Variants in MPPED2 observed in about 807,000 individuals in gnomAD.
MPPED2 encodes the protein metallophosphoesterase MPPED2.
MPPED2 carries 5 observed loss-of-function variants against 33.0 expected under a neutral mutation model. The ratio of observed to expected loss-of-function variants is 0.15; its 90% confidence interval spans 0.08 to 0.32. The LOEUF (loss-of-function observed/expected upper bound fraction) is 0.32, where lower values mean the gene tolerates loss of function less well. Among genes scored for constraint, MPPED2 ranks in the 10% least tolerant of loss-of-function variants. The pLI, the probability that MPPED2 is intolerant of heterozygous loss-of-function variation, is 1.00. For missense variants in MPPED2, 275 were observed against 372.1 expected, an observed-to-expected ratio of 0.74 and a Z score of 2.15; for synonymous variants, 136 against 141.9, an observed-to-expected ratio of 0.96 and a Z score of 0.29.
intron 6 of MPPED2, among the ~76,000 whole-genome samples, chr11:30,402,897 C>T (rs1947928697): frequency 6.6e-6 from 1 of 152,202 alleles, no homozygotes; most frequent in Non-Finnish European, 1.5e-5. Context: ...CATATTGCTT[C>T]CACTGCAGCT....
At chr11:30,544,682 A>T (rs1955314067) in intron 2 of MPPED2, among the ~76,000 whole-genome samples, 1 of 152,214 alleles carries the variant, frequency 6.6e-6, no homozygotes, top group South Asian at 2.1e-4. Flanking sequence ...TAAATAGGTG[A>T]TTTATGAAAT....
rs116471809 is a variant in MPPED2, at chr11:30,504,361, G to C, written c.311-8840C>G. Among the ~76,000 whole-genome samples the C allele has an allele frequency of 3.7e-3, 566 of 152,272 alleles. 2 individuals are homozygous for C. Among genetic ancestry groups the C allele is most frequent in the African/African-American group, 0.013 (554 of 41,540 alleles). On this transcript the variant is annotated intron_variant, in intron 3 of 6. Coordinates refer to ENST00000358117, the MANE Select transcript of MPPED2 (RefSeq NM_001584.3). ...AGTAATACCAACTGCTAGGAGCATG[G>C]AAGAACTATGAGGCTCAGGATGGGC... is the stretch of plus-strand genomic sequence containing the variant.
rs551818819 is a variant in MPPED2 at position 30,401,233 on chromosome 11, T to G, written c.767-12277A>C. Among the ~76,000 whole-genome samples, 3 of 152,338 alleles carry G rather than the reference T, an allele frequency of 2.0e-5. No individual in the cohort carries two copies. In the South Asian group the frequency reaches 6.2e-4, roughly 32 times the overall value. On this transcript the variant is annotated intron_variant, in intron 6 of 6. Transcript: ENST00000448418. The stretch of plus-strand genomic sequence containing the variant: ...AGAAAACAGAACAGCACCACTGATT[T>G]TCATTCCCATCACTTGGAAAGAAAC...
intron 3 of MPPED2, among the ~76,000 whole-genome samples, chr11:30,527,233 A>G (rs1954246953): frequency 6.6e-6 from 1 of 151,642 alleles, no homozygotes; most frequent in Admixed American, 6.6e-5. Flanking sequence ...CCCGGCCTCT[A>G]TTTTCTATTT....
chr11:30,544,274 C>T lies in MPPED2; in HGVS notation c.129-8099G>A, dbSNP rs187949728. On this transcript the variant is annotated intron_variant, in intron 2 of 6. Coordinates refer to ENST00000358117, the MANE Select transcript of MPPED2 (RefSeq NM_001584.3). ...TTGTCCAGGGTTAAACGTTTCCCTC[C>T]CTTCTAACATGGCAATCACGTTAAT... Among the ~76,000 whole-genome samples, 646 of 152,210 alleles carry T rather than the reference C, an allele frequency of 4.2e-3. 9 individuals carry two copies. Among genetic ancestry groups the T allele is most frequent in the African/African-American group, 0.015 (619 of 41,526 alleles).
intron 3 of MPPED2, among the ~76,000 whole-genome samples, chr11:30,534,390 G>A (rs75481775): frequency 0.017 from 2,632 of 152,178 alleles, 66 homozygotes; most frequent in African/African-American, 0.06. Flanking sequence ...AGACATAAGC[G>A]AAAAGATCTG....
At chr11:30,447,932 G>A (rs1478992589) in intron 4 of MPPED2, among the ~76,000 whole-genome samples, 2 of 152,118 alleles carry the variant, frequency 1.3e-5, no homozygotes, top group Non-Finnish European at 2.9e-5. Context: ...GAAAGCTATA[G>A]ACCCTCGAAA....
chr11:30,417,404 G>A lies in MPPED2; in HGVS notation c.652+114C>T, dbSNP rs924188335. On this transcript the variant is annotated intron_variant, in intron 5 of 6. Transcript: ENST00000358117. ...TTTAAAGACATTGACTTTTCTTCTCGTATTCACTTTTTTTTTTTTTTTGGA... is the reference window on the plus strand; with the variant it reads ...TTTAAAGACATTGACTTTTCTTCTCATATTCACTTTTTTTTTTTTTTTGGA... 2.5e-4 allele frequency: 130 copies of A among 525,612 alleles called. 2 individuals carry two copies. Among genetic ancestry groups the A allele is most frequent in the African/African-American group, 3.0e-4 (13 of 43,854 alleles). 32.6% of individuals were successfully genotyped at this position (525,612 alleles called of 1,614,324 possible). A position where few individuals can be genotyped will look rare whatever the true frequency, so the allele number is the denominator to read the frequency against.
chr11:30,469,477 A>G (rs998764956), intron 4 of MPPED2, among the ~76,000 whole-genome samples: 2 of 152,184 alleles, frequency 1.3e-5, no homozygotes, highest in African/African-American at 4.8e-5. Flanking sequence ...TAGATGAAAA[A>G]TCTCAGAATC....
chr11:30,442,200 G>C (rs902945693), intron 4 of MPPED2, among the ~76,000 whole-genome samples: 1 of 152,228 alleles, frequency 6.6e-6, no homozygotes, highest in Non-Finnish European at 1.5e-5. Flanking sequence ...ACTCCGGAAG[G>C]AGAAAAAGAT....
intron 3 of MPPED2, among the ~76,000 whole-genome samples, chr11:30,499,695 C>T (rs1198989426): frequency 3.3e-5 from 5 of 152,106 alleles, no homozygotes; most frequent in Admixed American, 2.0e-4. Context: ...CAAACATGAT[C>T]GTAAACATTC....
At chr11:30,441,677 G>T (rs943077725) in intron 4 of MPPED2, among the ~76,000 whole-genome samples, 1 of 152,176 alleles carries the variant, frequency 6.6e-6, no homozygotes, top group Admixed American at 6.5e-5. Flanking sequence ...TCTGAAAGTA[G>T]GAAACATTTC....
chr11:30,391,775 A>C (rs187313016), intron 6 of MPPED2, among the ~76,000 whole-genome samples: 1 of 152,354 alleles, frequency 6.6e-6, no homozygotes, highest in Admixed American at 6.5e-5. Context: ...AGAATCAAAT[A>C]TCAATTTAAA....
At chr11:30,584,937 C>T (rs1306845875) in intron 1 of MPPED2, 1 of 152,296 alleles carries the variant, frequency 6.6e-6, no homozygotes, top group Non-Finnish European at 1.5e-5. Flanking sequence ...TGCAGCATCT[C>T]AAATCAATTA....
At chr11:30,490,467 T>G (rs905984373) in intron 4 of MPPED2, among the ~76,000 whole-genome samples, 6 of 152,192 alleles carry the variant, frequency 3.9e-5, no homozygotes, top group Admixed American at 3.3e-4. Context: ...CCATAAAACC[T>G]GCCTTAAGGC....
intron 3 of MPPED2, among the ~76,000 whole-genome samples, chr11:30,531,757 T>G (rs911155571): frequency 6.6e-6 from 1 of 152,248 alleles, no homozygotes; most frequent in Non-Finnish European, 1.5e-5. Context: ...CCCTACCTCA[T>G]AATGCTCTTC....
chr11:30,395,338 C>A (rs1947826997), intron 6 of MPPED2, among the ~76,000 whole-genome samples: 1 of 152,124 alleles, frequency 6.6e-6, no homozygotes. Flanking sequence ...GATAACTGAA[C>A]CCCAGATAAT....
intron 3 of MPPED2, among the ~76,000 whole-genome samples, chr11:30,531,708 A>T (rs117398209): frequency 6.6e-6 from 1 of 152,152 alleles, no homozygotes; most frequent in Non-Finnish European, 1.5e-5. Flanking sequence ...CTTTGTTGTA[A>T]CTCACCAAAG....
intron 4 of MPPED2, among the ~76,000 whole-genome samples, chr11:30,461,196 T>G (rs1379688796): frequency 6.6e-6 from 1 of 152,146 alleles, no homozygotes; most frequent in African/African-American, 2.4e-5. Context: ...AGAATGGTGG[T>G]TGCTAGGGGC....
Sources: gnomAD v4.1 joint callset for allele counts (sites outside exome capture counted in the v4.1 genomes callset) on GRCh38, gnomAD v4.1.1 for gene constraint, MANE v1.5 for transcripts, NCBI Gene and HGNC (gene_info 2026-07-23, HGNC 2026-07-21) for gene names.